Variants in GPHN observed in about 807,000 individuals in gnomAD.
GPHN encodes the protein gephyrin.
A neutral mutation model predicts 95.5 loss-of-function variants in GPHN; 17 were observed. The ratio of observed to expected loss-of-function variants is 0.18; its 90% CI spans 0.12 to 0.27. The LOEUF (loss-of-function observed/expected upper bound fraction) is 0.27, where lower values mean the gene tolerates loss of function less well. Ranked by LOEUF, GPHN falls within the 10% of genes least tolerant of loss-of-function variation. GPHN has a pLI of 1.00. For missense variants in GPHN, 660 were observed against 978.1 expected (o/e 0.67, Z 4.34); for synonymous variants, 320 against 322.5 (o/e 0.99, Z 0.08).
At chr14:66,700,088 T>C (rs1415090793) in intron 2 of GPHN, among the ~76,000 whole-genome samples, 1 of 152,200 alleles carries the variant, frequency 6.6e-6, no homozygotes, top group Non-Finnish European at 1.5e-5. Flanking sequence ...TTCAACATGA[T>C]ATAAATGTGG....
chr14:67,337,820 G>A, the GPHN span: 3 of 152,102 alleles, frequency 2.0e-5, no homozygotes, highest in East Asian at 1.9e-4. Context: ...CTCTAAAATA[G>A]GAACTAGTTA....
the GPHN span, chr14:67,384,708 G>T: frequency 5.9e-5 from 9 of 152,148 alleles, no homozygotes; most frequent in African/African-American, 1.7e-4. Context: ...ATGAAGGTTT[G>T]TTCCTTTGTT....
At chr14:67,380,695 A>C in the GPHN span, 4 of 1,583,212 alleles carry the variant, frequency 2.5e-6, no homozygotes, top group Non-Finnish European at 3.4e-6. Flanking sequence ...ATTTGAATGA[A>C]GATGAACGGG....
At chr14:66,867,765 T>A (rs915231175) in intron 4 of GPHN, among the ~76,000 whole-genome samples, 3 of 152,218 alleles carry the variant, frequency 2.0e-5, no homozygotes, top group Admixed American at 2.0e-4. Flanking sequence ...ATTCTCACAT[T>A]TATGTCAGTC....
At chr14:67,079,041 A>G (rs1017288417) in intron 11 of GPHN, among the ~76,000 whole-genome samples, 4 of 152,084 alleles carry the variant, frequency 2.6e-5, no homozygotes, top group African/African-American at 9.7e-5. Flanking sequence ...CGTGAGTTCA[A>G]AATAAAAAGC....
At chr14:67,296,644 A>G in the GPHN span, among the ~76,000 whole-genome samples, 1 of 151,752 alleles carries the variant, frequency 6.6e-6, no homozygotes. Context: ...GGCCATTAAT[A>G]AATTTAAATT....
At chr14:67,177,192 C>T (rs2083027720) in intron 21 of GPHN, among the ~76,000 whole-genome samples, 1 of 152,132 alleles carries the variant, frequency 6.6e-6, no homozygotes, top group Non-Finnish European at 1.5e-5. Context: ...TTAGATCTTT[C>T]CTGCTTTTTC....
the GPHN span, among the ~76,000 whole-genome samples, chr14:67,513,675 T>G: frequency 6.6e-6 from 1 of 152,196 alleles, no homozygotes; most frequent in Non-Finnish European, 1.5e-5. Context: ...ACTTGTATCC[T>G]TGTATCATTA....
intron 1 of GPHN, among the ~76,000 whole-genome samples, chr14:66,554,028 CTT>C (rs1166263986): frequency 6.6e-6 from 1 of 152,138 alleles, no homozygotes; most frequent in Non-Finnish European, 1.5e-5. Flanking sequence ...CAAAAATCCT[CTT>C]ATTTCATCTT....
chr14:67,301,140 G>A, the GPHN span, among the ~76,000 whole-genome samples: 17 of 151,928 alleles, frequency 1.1e-4, no homozygotes, highest in African/African-American at 2.2e-4. Context: ...TGGGTGAAAC[G>A]TTCAAGATGG....
At chr14:66,519,169 C>A (rs947781514) in intron 1 of GPHN, among the ~76,000 whole-genome samples, 5 of 151,788 alleles carry the variant, frequency 3.3e-5, no homozygotes, top group Admixed American at 6.6e-5. Flanking sequence ...CTCCTGAATT[C>A]TTATGTCATT....
chr14:67,366,268 T>A, the GPHN span, among the ~76,000 whole-genome samples: 1 of 152,070 alleles, frequency 6.6e-6, no homozygotes, highest in Admixed American at 6.5e-5. Flanking sequence ...AGAGATGGGG[T>A]CTTGCTGTGT....
intron 17 of GPHN, among the ~76,000 whole-genome samples, chr14:67,128,790 C>T (rs866227557): frequency 6.6e-6 from 1 of 150,956 alleles, no homozygotes; most frequent in South Asian, 2.1e-4. Flanking sequence ...CAAAAATTAG[C>T]CGGGCGTGGC....
At chr14:66,792,515 A>T (rs1254031759) in intron 3 of GPHN, among the ~76,000 whole-genome samples, 1 of 152,110 alleles carries the variant, frequency 6.6e-6, no homozygotes, top group African/African-American at 2.4e-5. Context: ...CAGTCAACCA[A>T]GGAATACTAT....
At chr14:67,329,644 T>A in the GPHN span, among the ~76,000 whole-genome samples, 1 of 152,046 alleles carries the variant, frequency 6.6e-6, no homozygotes, top group Non-Finnish European at 1.5e-5. Context: ...TATTTTGAGA[T>A]ACGGCGGACG....
chr14:67,033,682 A>G (rs1334684160), intron 10 of GPHN, among the ~76,000 whole-genome samples: 1 of 152,212 alleles, frequency 6.6e-6, no homozygotes, highest in East Asian at 1.9e-4. Flanking sequence ...AATGGTCAAA[A>G]ACTTCCCAAA....
At chr14:67,604,622 T>G in the GPHN span, among the ~76,000 whole-genome samples, 1 of 152,102 alleles carries the variant, frequency 6.6e-6, no homozygotes, top group African/African-American at 2.4e-5. Flanking sequence ...TTGAGCCCAG[T>G]AAGCCCAGCT....
At chr14:67,189,926 T>G in the GPHN span, among the ~76,000 whole-genome samples, 2 of 146,020 alleles carry the variant, frequency 1.4e-5, no homozygotes, top group African/African-American at 5.1e-5. Context: ...CCACAACCTC[T>G]GCCTCCTGGG....
At chr14:67,388,577 C>CAAACAGAGCCTA in the GPHN span, among the ~76,000 whole-genome samples, 5 of 152,308 alleles carry the variant, frequency 3.3e-5, no homozygotes, top group African/African-American at 1.2e-4. Context: ...GGAGATGTCT[C>CAAACAGAGCCTA]AAACAGAGCC....
Sources: gnomAD v4.1 joint callset for allele counts (sites outside exome capture counted in the v4.1 genomes callset) on GRCh38, gnomAD v4.1.1 for gene constraint, MANE v1.5 for transcripts, NCBI Gene and HGNC (gene_info 2026-07-23, HGNC 2026-07-21) for gene names.